Variants in SPTBN4 observed in about 807,000 individuals in gnomAD.
The protein encoded by SPTBN4 is spectrin beta, non-erythrocytic 4.
In SPTBN4, 96 loss-of-function variants were observed where a neutral mutation model predicts 277.8. The ratio of observed to expected loss-of-function variants is 0.35; its 90% confidence interval spans 0.29 to 0.41. The LOEUF is 0.41. Among genes scored for constraint, SPTBN4 ranks in the 10% least tolerant of loss-of-function variants. SPTBN4 has a pLI of 1.00. For missense variants in SPTBN4, 3,006 were observed against 3,595.7 expected (o/e 0.84, Z 4.19); for synonymous variants, 1,481 against 1,580.3 (o/e 0.94, Z 1.49).
At chr19:40,485,122 C>T (rs550946010) in intron 2 of SPTBN4, among the ~76,000 whole-genome samples, 25 of 151,800 alleles carry the variant, frequency 1.6e-4, no homozygotes, top group Non-Finnish European at 3.2e-4. Flanking sequence ...GGATTACAGG[C>T]GTGAGCCACC....
chr19:40,520,377 G>A (rs1164629927), intron 16 of SPTBN4, among the ~76,000 whole-genome samples: 1 of 152,202 alleles, frequency 6.6e-6, no homozygotes, highest in African/African-American at 2.4e-5. Flanking sequence ...CATCAGTGGG[G>A]TAGGTTGGTG....
At position 40,510,308 on chromosome 19, in the gene SPTBN4, G is replaced by T. The variant is rs190342126; in HGVS notation, c.1817-2298G>T. Among the ~76,000 whole-genome samples the T allele has an allele frequency of 2.3e-4, 35 of 151,610 alleles. No individual in the cohort carries two copies. In the East Asian group the frequency reaches 6.8e-3, roughly 29 times the overall value. ...TGGAAGCTGTTTTTTTTTTGTTGTT[G>T]TTGTTTTGTTTTCTAAGACAGAGTC... On this transcript the variant is annotated intron_variant, in intron 13 of 35. Transcript: ENST00000598249.
intron 5 of SPTBN4, 108 bp from the exon 6 acceptor site, chr19:40,494,787 CCT>C (rs1255972620): frequency 7.7e-6 from 7 of 906,038 alleles, no homozygotes; most frequent in Non-Finnish European, 1.2e-5. Context: ...TGTTCTACCC[CCT>C]CTCTCTCATC....
intron 2 of SPTBN4, 103 bp from the exon 3 acceptor site, chr19:40,487,594 G>C: frequency 7.1e-7 from 1 of 1,415,822 alleles, no homozygotes; most frequent in Non-Finnish European, 9.4e-7. Context: ...ATCCGCCTGT[G>C]AGGCTGGACT....
intron 16 of SPTBN4, 148 bp downstream of exon 16, chr19:40,520,299 T>C: frequency 1.2e-6 from 1 of 857,132 alleles, no homozygotes; most frequent in Non-Finnish European, 1.6e-6. Flanking sequence ...GTATCCGGAA[T>C]GGATAACTGA....
At chr19:40,481,981 G>T (rs1414554269) in intron 2 of SPTBN4, among the ~76,000 whole-genome samples, 1 of 150,704 alleles carries the variant, frequency 6.6e-6, no homozygotes, top group Admixed American at 6.6e-5. Context: ...CTGTTGCCCA[G>T]GCTGGAGTGC....
At chr19:40,476,682 G>T (rs886877693) in intron 2 of SPTBN4, among the ~76,000 whole-genome samples, 1 of 152,068 alleles carries the variant, frequency 6.6e-6, no homozygotes, top group African/African-American at 2.4e-5. Flanking sequence ...CCGCCTCCTG[G>T]GTTCATGCCA....
chr19:40,470,401 G>T (rs774610527), intron 1 of SPTBN4, among the ~76,000 whole-genome samples: 3 of 152,164 alleles, frequency 2.0e-5, no homozygotes, highest in Non-Finnish European at 4.4e-5. Flanking sequence ...TGCCTTCCCA[G>T]GTTCAAGCGA....
intron 6 of SPTBN4, among the ~76,000 whole-genome samples, chr19:40,495,657 C>A (rs962028950): frequency 2.0e-5 from 3 of 151,712 alleles, no homozygotes; most frequent in Non-Finnish European, 2.9e-5. Flanking sequence ...CTAACCCCCC[C>A]ACCACCACCA....
rs573178861 is a variant in SPTBN4, at chr19:40,575,845, G to C, written c.*276G>C. ...TTTATGCAATAACTGAGCTTGATGG[G>C]GGTGGGCAGGGGGCCAGTTGAGCCA... On this transcript the variant is annotated 3_prime_UTR_variant, in exon 36 of 36. Transcript: ENST00000598249. 396 of 287,816 alleles carry C rather than the reference G, an allele frequency of 1.4e-3. 2 individuals carry two copies. Among genetic ancestry groups the C allele is most frequent in the African/African-American group, 8.0e-3 (361 of 45,308 alleles). The allele number at this position is 287,816 out of a possible 1,614,324, so 17.8% of individuals were successfully genotyped here.
chr19:40,493,960 T>A (rs2080166469), intron 5 of SPTBN4, among the ~76,000 whole-genome samples: 1 of 152,214 alleles, frequency 6.6e-6, no homozygotes, highest in Non-Finnish European at 1.5e-5. Context: ...AGCATCTCCC[T>A]TCTGCCTCAC....
chr19:40,520,228 G>A (rs1372476870), intron 16 of SPTBN4, 77 bp downstream of exon 16: 1 of 1,284,878 alleles, frequency 7.8e-7, no homozygotes, highest in Non-Finnish European at 9.9e-7. Flanking sequence ...GGACATGCGG[G>A]GGTGGGGAGG....
At position 40,554,473 on chromosome 19, in the gene SPTBN4, G is replaced by A; in HGVS notation, c.4954-43G>A. The A allele has an allele frequency of 6.7e-7, 1 of 1,492,054 alleles. No individual in the cohort carries two copies. The highest frequency in any genetic ancestry group is 9.0e-7 in the Non-Finnish European group (1 of 1,117,252). The allele number at this position is 1,492,054 out of a possible 1,614,324, so 92.4% of individuals were successfully genotyped here. ...GAGGGCCTGGGGGCGCTGGAGCCGGGGGCCGCCGCTGCCGCCTCATCGTGG... is the reference window on the plus strand; with the variant it reads ...GAGGGCCTGGGGGCGCTGGAGCCGGAGGCCGCCGCTGCCGCCTCATCGTGG... On this transcript the variant is annotated intron_variant, in intron 23 of 35. Coordinates refer to ENST00000598249, the MANE Select transcript of SPTBN4 (RefSeq NM_020971.3). The surrounding 1 kb of genome is among the most constrained non-coding windows in gnomAD (Gnocchi z 5.7).
At chr19:40,505,380 C>A (rs1176519339) in intron 12 of SPTBN4, among the ~76,000 whole-genome samples, 1 of 62,346 alleles carries the variant, frequency 1.6e-5, no homozygotes, top group Non-Finnish European at 3.2e-5. Context: ...GAGACCCTGT[C>A]TCAAAAAAAA....
chr19:40,501,869 C>A, intron 7 of SPTBN4, 52 bp from the exon 8 acceptor site: 1 of 1,489,838 alleles, frequency 6.7e-7, no homozygotes, highest in Non-Finnish European at 9.3e-7. Flanking sequence ...TACCTTCAAG[C>A]ACTCTGTCAA....
intron 6 of SPTBN4, among the ~76,000 whole-genome samples, chr19:40,496,014 G>T (rs10414006): frequency 0.17 from 25,291 of 152,096 alleles, 2,617 homozygotes; most frequent in African/African-American, 0.29. Context: ...CTGCACCAGG[G>T]TCATCCTCAC....
intron 27 of SPTBN4, among the ~76,000 whole-genome samples, chr19:40,561,212 C>T (rs180912767): frequency 8.9e-4 from 136 of 152,200 alleles, no homozygotes; most frequent in African/African-American, 3.1e-3. Flanking sequence ...AGGGTTTCAC[C>T]GTGTTGGCCA....
At chr19:40,558,130 C>T (rs1176173315) in intron 26 of SPTBN4, among the ~76,000 whole-genome samples, 3 of 151,706 alleles carry the variant, frequency 2.0e-5, no homozygotes, top group East Asian at 2.0e-4. Context: ...GAGGTCGAGG[C>T]GGGCAGATCA....
chr19:40,515,190 G>T lies in SPTBN4; in HGVS notation c.2766-121G>T. The T allele has an allele frequency of 1.0e-6, 1 of 952,738 alleles. No homozygotes were observed. The highest frequency in any genetic ancestry group is 1.5e-6 in the Non-Finnish European group (1 of 686,492). The allele number at this position is 952,738 out of a possible 1,614,324, so 59.0% of individuals were successfully genotyped here. On this transcript the variant is annotated intron_variant, in intron 14 of 35. Transcript: ENST00000598249. This position sits in a 1 kb window ranked among gnomAD's most constrained non-coding sequence, Gnocchi z 4.1. ...ATAAGCAGCAAGTAGAAGAGAAGGAGCCCACAAAGGAGGCTGAAAAGAAGG... is the reference window on the plus strand; with the variant it reads ...ATAAGCAGCAAGTAGAAGAGAAGGATCCCACAAAGGAGGCTGAAAAGAAGG...
Sources: allele counts gnomAD v4.1 joint callset (sites outside exome capture counted in the v4.1 genomes callset), GRCh38; gene constraint gnomAD v4.1.1; non-coding constraint Gnocchi (gnomAD v3.1); transcripts MANE v1.5; gene names NCBI Gene and HGNC (gene_info 2026-07-23, HGNC 2026-07-21).